DYM: variants seen among roughly 807,000 people sequenced by gnomAD.
DYM encodes dymeclin.
A neutral mutation model predicts 93.1 loss-of-function variants in DYM; 78 were observed. That is an observed-to-expected ratio of 0.84 (90% CI 0.70 to 1.01). The LOEUF (loss-of-function observed/expected upper bound fraction) is 1.01. Among genes scored for constraint, DYM ranks in the 50% least tolerant of loss-of-function variants. The pLI is 0.00. For synonymous variants in DYM, 321 were observed against 319.7 expected (o/e 1.00, Z -0.04); for missense variants, 789 against 845.0 (o/e 0.93, Z 0.82).
chr18:49,459,291 A>T (rs549681014), intron 1 of DYM, among the ~76,000 whole-genome samples: 6 of 152,318 alleles, frequency 3.9e-5, no homozygotes, highest in African/African-American at 1.4e-4. Flanking sequence ...TTCTTCATTT[A>T]CAGAATGGGA....
intron 1 of DYM, among the ~76,000 whole-genome samples, chr18:49,430,762 G>A (rs770279229): frequency 2.0e-5 from 3 of 151,922 alleles, no homozygotes; most frequent in South Asian, 2.1e-4. Context: ...GCACGCACCC[G>A]TAGTCCCAGC....
chr18:49,322,876 G>A (rs2062595714), intron 8 of DYM, among the ~76,000 whole-genome samples: 1 of 152,110 alleles, frequency 6.6e-6, no homozygotes, highest in African/African-American at 2.4e-5. Flanking sequence ...GCCCCACAAA[G>A]GAAGGTATTA....
In DYM at chr18:49,361,165, G is replaced by A. The variant is rs1324613319; in HGVS notation, c.494+1996C>T. 2.0e-5 allele frequency among the ~76,000 whole-genome samples: 3 copies of A among 152,198 alleles called. No homozygotes were observed. In the South Asian group the frequency reaches 6.2e-4, roughly 32 times the overall value. ...GAAGGGGAGAAAGGATGTCATGCAAGTGTCTGCTGCAGGAGCTCCGGTTGA... is the reference window on the plus strand; with the variant it reads ...GAAGGGGAGAAAGGATGTCATGCAAATGTCTGCTGCAGGAGCTCCGGTTGA... On this transcript the variant is annotated intron_variant, in intron 6 of 17. Transcript: ENST00000675505.
In DYM at chr18:49,212,709, C is replaced by G. The variant is rs370862480; in HGVS notation, c.1461-2994G>C. Reference sequence around the variant, plus strand: ...GCAGGGTCTCACTATATTGCCCAGTCTGGTCTTAAATTCTTGGGCTCAAGT... The same window carrying G: ...GCAGGGTCTCACTATATTGCCCAGTGTGGTCTTAAATTCTTGGGCTCAAGT... On this transcript the variant is annotated intron_variant, in intron 13 of 17. Transcript: ENST00000675505. Among the ~76,000 whole-genome samples, 30 of 152,172 alleles carry G rather than the reference C, an allele frequency of 2.0e-4. No individual in the cohort carries two copies. In the East Asian group the frequency reaches 5.8e-3, roughly 29 times the overall value.
intron 2 of DYM, among the ~76,000 whole-genome samples, chr18:49,420,823 C>G (rs773273319): frequency 2.7e-4 from 41 of 152,148 alleles, no homozygotes; most frequent in Non-Finnish European, 5.4e-4. Context: ...TAATACTGCC[C>G]TTTTCCAACA....
intron 15 of DYM, among the ~76,000 whole-genome samples, chr18:49,123,038 C>A (rs1282297722): frequency 6.6e-6 from 1 of 152,052 alleles, no homozygotes; most frequent in Non-Finnish European, 1.5e-5. Context: ...CATGTTCTTA[C>A]TTATTTCTGT....
intron 12 of DYM, among the ~76,000 whole-genome samples, chr18:49,257,798 T>C (rs756257183): frequency 6.6e-6 from 1 of 151,772 alleles, no homozygotes; most frequent in Non-Finnish European, 1.5e-5. Flanking sequence ...CAGTGAGCTA[T>C]GATTGTGCCA....
At chr18:49,224,330 C>T (rs2093458271) in intron 13 of DYM, among the ~76,000 whole-genome samples, 2 of 152,030 alleles carry the variant, frequency 1.3e-5, no homozygotes. Context: ...TCTGATTGGA[C>T]ATGCAGGTCT....
intron 8 of DYM, 123 bp downstream of exon 8, chr18:49,331,741 T>C (rs1473746766): frequency 1.6e-5 from 17 of 1,075,446 alleles, no homozygotes; most frequent in Non-Finnish European, 2.0e-5. Context: ...GTTTTCACAT[T>C]GAACCAGCTG....
chr18:49,065,393 G>A (rs1017950401), intron 17 of DYM, among the ~76,000 whole-genome samples: 9 of 151,996 alleles, frequency 5.9e-5, no homozygotes, highest in South Asian at 2.1e-4. Context: ...ACGGAATTTC[G>A]CTCTTGTTGC....
At chr18:49,400,138 A>G (rs2070647015) in intron 2 of DYM, among the ~76,000 whole-genome samples, 1 of 151,676 alleles carries the variant, frequency 6.6e-6, no homozygotes, top group Admixed American at 6.6e-5. Flanking sequence ...ACGACGTTTC[A>G]CCATGTTGGC....
chr18:49,144,288 C>T (rs991858036), intron 15 of DYM, among the ~76,000 whole-genome samples: 14 of 149,630 alleles, frequency 9.4e-5, no homozygotes, highest in African/African-American at 2.7e-4. Context: ...AATTTAGAGG[C>T]TTGGTCTGAT....
intron 16 of DYM, among the ~76,000 whole-genome samples, chr18:49,110,224 G>T (rs1351996137): frequency 6.6e-6 from 1 of 152,168 alleles, no homozygotes; most frequent in Admixed American, 6.5e-5. Context: ...AAAAGTTTGA[G>T]GACCTCTTCT....
chr18:49,270,293 G>T (rs977344239), intron 11 of DYM, among the ~76,000 whole-genome samples: 1 of 152,178 alleles, frequency 6.6e-6, no homozygotes, highest in African/African-American at 2.4e-5. Context: ...GCACAACATA[G>T]GTAAACCTAG....
chr18:49,153,033 T>C (rs1364980018), intron 15 of DYM, among the ~76,000 whole-genome samples: 1 of 152,132 alleles, frequency 6.6e-6, no homozygotes, highest in Non-Finnish European at 1.5e-5. Context: ...GTGGACCCAG[T>C]GTATAGCATG....
At chr18:49,071,878 A>G (rs1599523077) in intron 17 of DYM, among the ~76,000 whole-genome samples, 1 of 152,334 alleles carries the variant, frequency 6.6e-6, no homozygotes. Context: ...TGAAAATTAA[A>G]TAAGGTTGTT....
intron 1 of DYM, among the ~76,000 whole-genome samples, chr18:49,446,703 G>C (rs2082119212): frequency 6.6e-6 from 1 of 152,170 alleles, no homozygotes; most frequent in Non-Finnish European, 1.5e-5. Flanking sequence ...ACATCAACAA[G>C]AAATGTTAAG....
At chr18:49,369,555 G>A (rs1328000551) in intron 5 of DYM, among the ~76,000 whole-genome samples, 1 of 152,150 alleles carries the variant, frequency 6.6e-6, no homozygotes, top group Non-Finnish European at 1.5e-5. Context: ...GATCAGTGAA[G>A]CTCATCATTA....
intron 1 of DYM, among the ~76,000 whole-genome samples, chr18:49,454,478 A>G (rs2082796123): frequency 6.6e-6 from 1 of 152,156 alleles, no homozygotes; most frequent in Non-Finnish European, 1.5e-5. Flanking sequence ...GTGCCAATCA[A>G]CTGGAAAGCC....
Sources: allele counts gnomAD v4.1 joint callset (sites outside exome capture counted in the v4.1 genomes callset), GRCh38; gene constraint gnomAD v4.1.1; transcripts MANE v1.5; gene names NCBI Gene and HGNC (gene_info 2026-07-23, HGNC 2026-07-21).